Variants in GSK3B observed in about 807,000 individuals in gnomAD.
GSK3B encodes the protein glycogen synthase kinase 3 beta.
A neutral mutation model predicts 56.4 loss-of-function variants in GSK3B; 15 were observed. The observed-to-expected ratio is 0.27, with a 90% CI of 0.18 to 0.41. GSK3B has a LOEUF of 0.41. GSK3B is among the 10% of genes least tolerant of loss of function. The probability of loss-of-function intolerance (pLI) is 1.00; values close to 1 mark genes in which losing one functional copy is unlikely to be tolerated. For synonymous variants in GSK3B, 181 were observed against 188.9 expected (o/e 0.96, Z 0.34); for missense variants, 300 against 513.4 (o/e 0.58, Z 4.02).
chr3:120,079,971 A>C (rs1207600918), intron 1 of GSK3B, among the ~76,000 whole-genome samples: 1 of 152,198 alleles, frequency 6.6e-6, no homozygotes, highest in Non-Finnish European at 1.5e-5. Context: ...AAAACCAAAT[A>C]CAGAAAGTCA....
chr3:120,044,680 T>C (rs1291298684), intron 1 of GSK3B, among the ~76,000 whole-genome samples: 1 of 152,202 alleles, frequency 6.6e-6, no homozygotes, highest in South Asian at 2.1e-4. Flanking sequence ...ATAGATTACA[T>C]CTATTATAAT....
intron 1 of GSK3B, among the ~76,000 whole-genome samples, chr3:120,052,795 AATT>A (rs144100600): frequency 0.036 from 5,504 of 152,322 alleles, 116 homozygotes; most frequent in Non-Finnish European, 0.055. Flanking sequence ...GGGAGAAAAT[AATT>A]ATTAACAGCT....
chr3:119,952,615 AC>A (rs768124913), intron 2 of GSK3B, among the ~76,000 whole-genome samples: 34 of 151,980 alleles, frequency 2.2e-4, no homozygotes, highest in Admixed American at 6.6e-5. Context: ...AAAAAAAAAA[AC>A]ATGAGAGGAG....
At chr3:119,974,949 C>T (rs1433466513) in intron 2 of GSK3B, among the ~76,000 whole-genome samples, 3 of 152,180 alleles carry the variant, frequency 2.0e-5, no homozygotes, top group Admixed American at 6.5e-5. Context: ...TAAACTTACT[C>T]TTACCACAGC....
At chr3:120,062,847 A>C (rs190455843) in intron 1 of GSK3B, among the ~76,000 whole-genome samples, 1 of 152,196 alleles carries the variant, frequency 6.6e-6, no homozygotes, top group Non-Finnish European at 1.5e-5. Flanking sequence ...CTTTCGAAAC[A>C]TAAGTTTGAG....
intron 7 of GSK3B, among the ~76,000 whole-genome samples, chr3:119,885,417 A>G (rs569187639): frequency 3.1e-4 from 47 of 152,158 alleles, no homozygotes; most frequent in Non-Finnish European, 5.9e-4. Flanking sequence ...TGGAAGAATC[A>G]GTACTGTTAA....
At chr3:119,874,911 T>C (rs1331772306) in intron 8 of GSK3B, among the ~76,000 whole-genome samples, 1 of 152,064 alleles carries the variant, frequency 6.6e-6, no homozygotes, top group African/African-American at 2.4e-5. Flanking sequence ...GCAATAACTA[T>C]AATGGACTCA....
chr3:119,921,512 C>T (rs2107463330), intron 4 of GSK3B, among the ~76,000 whole-genome samples: 1 of 152,296 alleles, frequency 6.6e-6, no homozygotes, highest in South Asian at 2.1e-4. Context: ...AGTTATCTAA[C>T]CACCAATTTG....
At chr3:120,063,006 T>C (rs1318465961) in intron 1 of GSK3B, among the ~76,000 whole-genome samples, 1 of 152,208 alleles carries the variant, frequency 6.6e-6, no homozygotes, top group African/African-American at 2.4e-5. Context: ...AATCATTTTG[T>C]AAAATCTTAT....
chr3:120,003,888 G>T (rs1286787263), intron 1 of GSK3B, among the ~76,000 whole-genome samples: 1 of 152,224 alleles, frequency 6.6e-6, no homozygotes. Context: ...ATCTCACTGG[G>T]ACTGGTTGGA....
intron 7 of GSK3B, among the ~76,000 whole-genome samples, chr3:119,878,278 T>C (rs1393449058): frequency 6.6e-6 from 1 of 152,058 alleles, no homozygotes; most frequent in Non-Finnish European, 1.5e-5. Flanking sequence ...AATTCAAAAA[T>C]AAGACAAACC....
chr3:120,087,667 A>G (rs1263420224), intron 1 of GSK3B, among the ~76,000 whole-genome samples: 3 of 152,236 alleles, frequency 2.0e-5, no homozygotes, highest in Non-Finnish European at 4.4e-5. Context: ...TACTCTGGAA[A>G]TAAAAAGTTG....
intron 1 of GSK3B, chr3:120,028,861 G>C: frequency 2.3e-6 from 1 of 444,088 alleles, no homozygotes; most frequent in Non-Finnish European, 4.2e-6. Flanking sequence ...CTGCTCAGAC[G>C]CAGGTTTGGC....
chr3:120,085,816 A>G (rs1386503123), intron 1 of GSK3B, among the ~76,000 whole-genome samples: 1 of 152,208 alleles, frequency 6.6e-6, no homozygotes, highest in African/African-American at 2.4e-5. Context: ...GAGAAAAAAA[A>G]AAAAGTATTA....
At chr3:119,888,221 GTT>G (rs1386687660) in intron 7 of GSK3B, among the ~76,000 whole-genome samples, 1 of 152,140 alleles carries the variant, frequency 6.6e-6, no homozygotes, top group Non-Finnish European at 1.5e-5. Context: ...TGAAGAAATT[GTT>G]TAAAGCAAAG....
chr3:119,851,405 C>T (rs547039806), intron 9 of GSK3B, among the ~76,000 whole-genome samples: 15 of 152,264 alleles, frequency 9.9e-5, no homozygotes, highest in Admixed American at 3.3e-4. Context: ...CTTCCAAGTA[C>T]AAGATCCCCA....
intron 2 of GSK3B, among the ~76,000 whole-genome samples, chr3:119,981,412 C>T (rs192608159): frequency 2.0e-5 from 3 of 152,210 alleles, no homozygotes; most frequent in South Asian, 2.1e-4. Context: ...ACCCACAAAG[C>T]GCAAGGAGTC....
At chr3:119,899,481 TCTCA>T (rs1193679913) in intron 7 of GSK3B, among the ~76,000 whole-genome samples, 2 of 152,056 alleles carry the variant, frequency 1.3e-5, no homozygotes. Context: ...CAAAGTAAGG[TCTCA>T]CTGAGTGGCA....
intron 10 of GSK3B, among the ~76,000 whole-genome samples, chr3:119,834,009 T>C (rs2055648136): frequency 6.6e-6 from 1 of 152,160 alleles, no homozygotes; most frequent in African/African-American, 2.4e-5. Flanking sequence ...GGTATATTTT[T>C]ATTCCCGTAT....
Sources: allele counts gnomAD v4.1 joint callset (sites outside exome capture counted in the v4.1 genomes callset), GRCh38; gene constraint gnomAD v4.1.1; transcripts MANE v1.5; gene names NCBI Gene and HGNC (gene_info 2026-07-23, HGNC 2026-07-21).